SLC66A3: variants seen among roughly 807,000 people sequenced by gnomAD.
SLC66A3 encodes solute carrier family 66 member 3, also known as PQ loop repeat containing 3.
A neutral mutation model predicts 25.5 loss-of-function variants in SLC66A3; 23 were observed. The observed-to-expected ratio is 0.90, with a 90% CI of 0.65 to 1.28. The LOEUF is 1.28. SLC66A3 is among the 50% of genes most tolerant of loss of function. The probability of loss-of-function intolerance (pLI) is 0.00; values close to 1 mark genes in which losing one functional copy is unlikely to be tolerated. For synonymous variants in SLC66A3, 108 were observed against 112.6 expected (o/e 0.96, Z 0.26); for missense variants, 246 against 262.1 (o/e 0.94, Z 0.42).
At chr2:11,155,797 CCGGCGTCGCAGCT>C in intron 1 of SLC66A3, 108 bp downstream of exon 1, 1 of 1,114,266 alleles carries the variant, frequency 9.0e-7, no homozygotes, top group Non-Finnish European at 1.2e-6. Flanking sequence ...TCCCCGCGCG[CCGGCGTCGCAGCT>C]GGGCGGCCGA....
chr2:11,168,733 C>T (rs898340216), intron 4 of SLC66A3, among the ~76,000 whole-genome samples: 4 of 152,148 alleles, frequency 2.6e-5, no homozygotes, highest in African/African-American at 9.7e-5. Context: ...TGCCTGGGGC[C>T]AGCCATCCTC....
intron 1 of SLC66A3, among the ~76,000 whole-genome samples, chr2:11,157,616 C>G (rs1661953374): frequency 1.3e-5 from 2 of 152,276 alleles, no homozygotes. Flanking sequence ...CTGTCGCAGT[C>G]AGCCACCTGG....
rs985702402 is a variant in SLC66A3 at position 11,171,836 on chromosome 2, G to A, written c.355-89G>A. 3.5e-6 allele frequency: 5 copies of A among 1,424,554 alleles called. No individual in the cohort carries two copies. In the Admixed American group the frequency reaches 5.3e-5, roughly 15 times the overall value. 88.2% of individuals were successfully genotyped at this position (1,424,554 alleles called of 1,614,324 possible). On this transcript the variant is annotated intron_variant, in intron 4 of 6. Coordinates refer to ENST00000295083, the MANE Select transcript of SLC66A3 (RefSeq NM_152391.5). ...GCCTGCCTCGGCCTCCCAAAGTGCT[G>A]GAATTACAGGTGTGAGCCACCGCAC...
At chr2:11,161,817 G>A (rs1662141066) in intron 3 of SLC66A3, among the ~76,000 whole-genome samples, 1 of 152,182 alleles carries the variant, frequency 6.6e-6, no homozygotes, top group South Asian at 2.1e-4. Flanking sequence ...TGCCACTTCT[G>A]GCCCAAGAAA....
chr2:11,155,496 T>A lies in SLC66A3; in HGVS notation c.-51T>A. ...TTCGGCAGAGCTGCGCCGCCGAGGC[T>A]GAGCGGTCCCTTCTCGCTGCGGCCG... On this transcript the variant is annotated 5_prime_UTR_variant, in exon 1 of 7. Coordinates refer to ENST00000295083, the MANE Select transcript of SLC66A3 (RefSeq NM_152391.5). 1 of 1,445,426 alleles carries A rather than the reference T, an allele frequency of 6.9e-7. No homozygotes were observed. Among genetic ancestry groups the A allele is most frequent in the Non-Finnish European group, 9.0e-7 (1 of 1,108,164 alleles). 89.5% of individuals were successfully genotyped at this position (1,445,426 alleles called of 1,614,324 possible).
chr2:11,159,337 G>A (rs1040029583), intron 1 of SLC66A3, among the ~76,000 whole-genome samples: 6 of 152,178 alleles, frequency 3.9e-5, no homozygotes, highest in African/African-American at 1.4e-4. Context: ...GCAGGGCAGG[G>A]CAGAGGCACC....
At chr2:11,165,728 T>G (rs1453835525) in intron 4 of SLC66A3, among the ~76,000 whole-genome samples, 1 of 152,136 alleles carries the variant, frequency 6.6e-6, no homozygotes, top group Non-Finnish European at 1.5e-5. Context: ...TGGGCAACAT[T>G]GAGCACTGAG....
chr2:11,175,467 A>G (rs1349124843), intron 6 of SLC66A3, among the ~76,000 whole-genome samples: 1 of 152,232 alleles, frequency 6.6e-6, no homozygotes, highest in Non-Finnish European at 1.5e-5. Flanking sequence ...CTTAACAAGG[A>G]GCAGCATTGT....
intron 1 of SLC66A3, among the ~76,000 whole-genome samples, chr2:11,156,716 G>A (rs1661916975): frequency 6.6e-6 from 1 of 152,102 alleles, no homozygotes; most frequent in Non-Finnish European, 1.5e-5. Flanking sequence ...TTTTGGGAAA[G>A]GCTTGCAGTG....
At chr2:11,167,616 C>T (rs1662389142) in intron 4 of SLC66A3, among the ~76,000 whole-genome samples, 1 of 152,100 alleles carries the variant, frequency 6.6e-6, no homozygotes, top group African/African-American at 2.4e-5. Context: ...GGCTGAACAC[C>T]AGGCTCCGTG....
chr2:11,160,349 G>A (rs1003190445), intron 1 of SLC66A3, 117 bp from the exon 2 acceptor site: 7 of 813,348 alleles, frequency 8.6e-6, no homozygotes, highest in South Asian at 2.7e-5. Context: ...TGACACTGGC[G>A]TGTCCACACC....
intron 4 of SLC66A3, among the ~76,000 whole-genome samples, chr2:11,169,835 C>CTTTTTTTTTTTTTTTTTT (rs1558257033): frequency 1.2e-5 from 1 of 85,104 alleles, no homozygotes. Context: ...CTGGATTTCT[C>CTTTTTTTTTTTTTTTTTT]TCTTTTTTTT....
chr2:11,173,019 T>C (rs543215171), intron 5 of SLC66A3, among the ~76,000 whole-genome samples: 4 of 152,264 alleles, frequency 2.6e-5, no homozygotes, highest in East Asian at 1.9e-4. Context: ...CACGCCACCA[T>C]GCCTGGCTAA....
chr2:11,155,716 C>T (rs753829300), intron 1 of SLC66A3, 27 bp downstream of exon 1: 23 of 1,345,572 alleles, frequency 1.7e-5, no homozygotes, highest in Middle Eastern at 2.4e-4. Context: ...CCGGGGCTGC[C>T]TCCTGCCCCC....
At chr2:11,174,916 C>T (rs1190083468) in intron 5 of SLC66A3, 52 bp from the exon 6 acceptor site, 5 of 1,358,746 alleles carry the variant, frequency 3.7e-6, no homozygotes. Flanking sequence ...TTAGCTAAGC[C>T]CCAAAATGTC....
chr2:11,165,492 A>C (rs1662299339), intron 4 of SLC66A3, among the ~76,000 whole-genome samples: 4 of 148,274 alleles, frequency 2.7e-5, no homozygotes, highest in Admixed American at 2.7e-4. Flanking sequence ...CACATCTCAG[A>C]CGATGGGCGA....
chr2:11,166,388 A>G (rs2147993065), intron 4 of SLC66A3, among the ~76,000 whole-genome samples: 1 of 152,210 alleles, frequency 6.6e-6, no homozygotes, highest in South Asian at 2.1e-4. Flanking sequence ...CCAACGAGAA[A>G]AGGAGGAGAA....
chr2:11,155,620 TCTC>T lies in SLC66A3; in HGVS notation c.76_78del (p.Ser26del). The T allele has an allele frequency of 6.5e-7, 1 of 1,529,550 alleles. No homozygotes were observed. The highest frequency in any genetic ancestry group is 1.4e-5 in the African/African-American group (1 of 70,352). The allele number at this position is 1,529,550 out of a possible 1,614,324, so 94.7% of individuals were successfully genotyped here. A position where few individuals can be genotyped will look rare whatever the true frequency, so the allele number is the denominator to read the frequency against. On this transcript the variant is annotated inframe_deletion, in exon 1 of 7. Coordinates refer to ENST00000295083, the MANE Select transcript of SLC66A3 (RefSeq NM_152391.5). ...TGCGCCGCGCTGAAGCTGCCGCAGATCTCCGCTGTGCTAGCGGCGCGCAGCGCG... is the reference window on the plus strand; with the variant it reads ...TGCGCCGCGCTGAAGCTGCCGCAGATCGCTGTGCTAGCGGCGCGCAGCGCG...
At chr2:11,155,999 C>T (rs568795545) in intron 1 of SLC66A3, among the ~76,000 whole-genome samples, 5 of 152,338 alleles carry the variant, frequency 3.3e-5, no homozygotes, top group African/African-American at 9.6e-5. Flanking sequence ...AACCTGCTGG[C>T]CCTGAGCAAG....
Sources: gnomAD v4.1 joint callset for allele counts (sites outside exome capture counted in the v4.1 genomes callset) on GRCh38, gnomAD v4.1.1 for gene constraint, MANE v1.5 for transcripts, NCBI Gene and HGNC (gene_info 2026-07-23, HGNC 2026-07-21) for gene names.